The following SLC16A1 variants were observed in gnomAD, a reference collection of about 807,000 sequenced individuals.
The protein encoded by SLC16A1 is monocarboxylate transporter 1.
Under a neutral mutation model 32.2 loss-of-function variants are expected in SLC16A1, and 11 were observed. That is an observed-to-expected ratio of 0.34 (90% CI 0.21 to 0.56). The LOEUF is 0.56. Among genes scored for constraint, SLC16A1 ranks in the 20% least tolerant of loss-of-function variants. The probability of loss-of-function intolerance (pLI) is 0.87; values close to 1 mark genes in which losing one functional copy is unlikely to be tolerated. For missense variants in SLC16A1, 435 were observed against 615.0 expected (o/e 0.71, Z 3.10); for synonymous variants, 231 against 226.8 (o/e 1.02, Z -0.17).
intron 3 of SLC16A1, among the ~76,000 whole-genome samples, chr1:112,919,256 G>C (rs527914121): frequency 6.6e-6 from 1 of 151,828 alleles, no homozygotes; most frequent in Admixed American, 6.6e-5. Flanking sequence ...GGATGGTCTC[G>C]ATCTCCTGAC....
At chr1:112,946,464 GA>G (rs112881904) in intron 1 of SLC16A1, among the ~76,000 whole-genome samples, 2 of 150,914 alleles carry the variant, frequency 1.3e-5, no homozygotes, top group Non-Finnish European at 3.0e-5. Context: ...TATGAAACCA[GA>G]AAAAAAAACC....
chr1:112,953,442 C>A (rs879910971), intron 1 of SLC16A1, among the ~76,000 whole-genome samples: 2 of 152,196 alleles, frequency 1.3e-5, no homozygotes, highest in Admixed American at 6.5e-5. Flanking sequence ...GGATTACAGG[C>A]GTGAGCCACC....
intron 1 of SLC16A1, among the ~76,000 whole-genome samples, chr1:112,930,828 C>T (rs1410111666): frequency 1.3e-5 from 2 of 151,502 alleles, no homozygotes; most frequent in African/African-American, 4.9e-5. Context: ...AGGCGGTTCT[C>T]CTGCCTCAGC....
At chr1:112,914,272 A>T (rs1442191115) in intron 4 of SLC16A1, 107 bp from the exon 5 acceptor site, 1 of 1,176,988 alleles carries the variant, frequency 8.5e-7, no homozygotes, top group Non-Finnish European at 1.2e-6. Context: ...TCCAATCTTT[A>T]AAGAGTCCCA....
In SLC16A1 at chr1:112,923,747, G is replaced by A; in HGVS notation, c.218-1614C>T. 3 of 1,526,374 alleles carry A rather than the reference G, an allele frequency of 2.0e-6. No individual in the cohort carries two copies. The South Asian group carries it at 3.4e-5, about 17-fold the overall frequency. 94.6% of individuals were successfully genotyped at this position (1,526,374 alleles called of 1,614,324 possible). A position where few individuals can be genotyped will look rare whatever the true frequency, so the allele number is the denominator to read the frequency against. ...TGAGTGCCTGCCACCAGCTGCACCA[G>A]GAGGGCAAGTTCCTGGATCTTGGCC... On this transcript the variant is annotated intron_variant, in intron 2 of 4. Transcript: ENST00000369626.
intron 1 of SLC16A1, among the ~76,000 whole-genome samples, chr1:112,942,636 A>G (rs1044319915): frequency 1.3e-5 from 2 of 152,240 alleles, no homozygotes; most frequent in African/African-American, 4.8e-5. Flanking sequence ...AACAAATGGA[A>G]AATGTTGGCT....
intron 1 of SLC16A1, among the ~76,000 whole-genome samples, chr1:112,932,218 A>G (rs1381959814): frequency 6.6e-6 from 1 of 152,212 alleles, no homozygotes; most frequent in Non-Finnish European, 1.5e-5. Flanking sequence ...AAAAGAAACA[A>G]AAGGCATAAA....
intron 2 of SLC16A1, among the ~76,000 whole-genome samples, chr1:112,926,990 G>A (rs1648963972): frequency 6.6e-6 from 1 of 151,434 alleles, no homozygotes; most frequent in Non-Finnish European, 1.5e-5. Flanking sequence ...AAAATTAGCT[G>A]AGCATAGTAG....
intron 1 of SLC16A1, among the ~76,000 whole-genome samples, chr1:112,953,442 C>T (rs879910971): frequency 1.3e-5 from 2 of 152,196 alleles, no homozygotes; most frequent in Non-Finnish European, 2.9e-5. Flanking sequence ...GGATTACAGG[C>T]GTGAGCCACC....
chr1:112,922,214 A>C (rs1648762051), intron 2 of SLC16A1, 81 bp from the exon 3 acceptor site: 10 of 1,308,260 alleles, frequency 7.6e-6, no homozygotes, highest in Non-Finnish European at 1.1e-5. Flanking sequence ...AATGAATGAC[A>C]AATCCTCCAA....
At chr1:112,934,980 A>G (rs1391850777) in intron 1 of SLC16A1, among the ~76,000 whole-genome samples, 1 of 152,274 alleles carries the variant, frequency 6.6e-6, no homozygotes, top group East Asian at 1.9e-4. Context: ...AGGCATAGCA[A>G]TATGAATATT....
chr1:112,946,629 C>A (rs764512006), intron 1 of SLC16A1, among the ~76,000 whole-genome samples: 1 of 152,260 alleles, frequency 6.6e-6, no homozygotes, highest in Admixed American at 6.5e-5. Context: ...TCTCGGCTCA[C>A]TGCAACCTCC....
chr1:112,938,495 C>T (rs762861379), intron 1 of SLC16A1, among the ~76,000 whole-genome samples: 5 of 152,150 alleles, frequency 3.3e-5, no homozygotes, highest in Non-Finnish European at 7.3e-5. Flanking sequence ...AGGAATGTAA[C>T]TACTGGATCT....
intron 1 of SLC16A1, among the ~76,000 whole-genome samples, chr1:112,932,937 T>C (rs141141654): frequency 1.6e-4 from 25 of 151,784 alleles, no homozygotes; most frequent in Non-Finnish European, 3.1e-4. Context: ...ACAACATCAA[T>C]ACACAGAAAT....
rs1648805462 is a variant in SLC16A1 at position 112,923,300 on chromosome 1, C to A, written c.218-1167G>T. On this transcript the variant is annotated intron_variant, in intron 2 of 4. Transcript: ENST00000369626. ...TCCAGCCTGGGCAACAAGAGTGAAA[C>A]TCCGTCTCAAAAACAAACAAACAGC... The A allele has an allele frequency of 1.0e-5, 4 of 397,486 alleles. No individual in the cohort carries two copies. In the Admixed American group the frequency reaches 1.1e-4, roughly 11 times the overall value. 24.6% of individuals were successfully genotyped at this position (397,486 alleles called of 1,614,324 possible).
At chr1:112,940,418 C>T (rs2101644427) in intron 1 of SLC16A1, among the ~76,000 whole-genome samples, 1 of 151,992 alleles carries the variant, frequency 6.6e-6, no homozygotes, top group East Asian at 1.9e-4. Context: ...TTGAAGGATC[C>T]AAAAAAACCA....
chr1:112,937,803 T>C (rs1015459026), intron 1 of SLC16A1, among the ~76,000 whole-genome samples: 3 of 151,970 alleles, frequency 2.0e-5, no homozygotes, highest in Admixed American at 6.6e-5. Context: ...TGCCCAAGAG[T>C]GATGGGGAGA....
At chr1:112,930,192 C>A (rs1354785943) in intron 1 of SLC16A1, among the ~76,000 whole-genome samples, 1 of 152,110 alleles carries the variant, frequency 6.6e-6, no homozygotes, top group Non-Finnish European at 1.5e-5. Flanking sequence ...GTATGATTGG[C>A]ATGTGAAGTA....
intron 1 of SLC16A1, among the ~76,000 whole-genome samples, chr1:112,954,877 G>C (rs1457941148): frequency 6.6e-6 from 1 of 152,134 alleles, no homozygotes; most frequent in Non-Finnish European, 1.5e-5. Flanking sequence ...CAGGGTGTAA[G>C]ACTTGAATTT....
Sources: gnomAD v4.1 joint callset for allele counts (sites outside exome capture counted in the v4.1 genomes callset) on GRCh38, gnomAD v4.1.1 for gene constraint, MANE v1.5 for transcripts, NCBI Gene and HGNC (gene_info 2026-07-23, HGNC 2026-07-21) for gene names.